Variants in YTHDC1 observed in about 807,000 individuals in gnomAD.
YTHDC1 encodes the protein YTH N6-methyladenosine RNA binding protein C1.
Under a neutral mutation model 107.0 loss-of-function variants are expected in YTHDC1, and 12 were observed. That is an observed-to-expected ratio of 0.11 (90% confidence interval 0.07 to 0.18). The LOEUF (loss-of-function observed/expected upper bound fraction) is 0.18, where lower values mean the gene tolerates loss of function less well. YTHDC1 is among the 10% of genes least tolerant of loss of function. The pLI, the probability that YTHDC1 is intolerant of heterozygous loss-of-function variation, is 1.00. For synonymous variants in YTHDC1, 280 were observed against 289.5 expected (o/e 0.97, Z 0.33); for missense variants, 635 against 898.8 (o/e 0.71, Z 3.75).
intron 4 of YTHDC1, among the ~76,000 whole-genome samples, chr4:68,334,930 G>A (rs1326757255): frequency 1.3e-5 from 2 of 152,120 alleles, no homozygotes; most frequent in African/African-American, 2.4e-5. Context: ...AACAGAAGCA[G>A]AAGATCCTAC....
intron 15 of YTHDC1, 109 bp downstream of exon 15, chr4:68,318,410 T>A: frequency 8.6e-7 from 1 of 1,161,814 alleles, no homozygotes; most frequent in East Asian, 2.6e-5. Flanking sequence ...GCCTGGCCAG[T>A]TTAAGTCTCT....
intron 1 of YTHDC1, among the ~76,000 whole-genome samples, chr4:68,349,373 T>C (rs1047459087): frequency 2.6e-5 from 4 of 152,188 alleles, no homozygotes; most frequent in African/African-American, 9.7e-5. Flanking sequence ...GAAATGGTTG[T>C]CCTGAAAATA....
chr4:68,317,697 G>C (rs1722012334), intron 15 of YTHDC1, among the ~76,000 whole-genome samples: 1 of 152,176 alleles, frequency 6.6e-6, no homozygotes, highest in Non-Finnish European at 1.5e-5. Flanking sequence ...AACTTAACAT[G>C]TACTTTGTAA....
intron 9 of YTHDC1, among the ~76,000 whole-genome samples, chr4:68,328,462 G>T (rs1214431341): frequency 6.6e-6 from 1 of 152,210 alleles, no homozygotes; most frequent in Non-Finnish European, 1.5e-5. Context: ...CAGAGAGGAA[G>T]TGGGAGAAAG....
chr4:68,314,841 T>C (rs1033142495), intron 16 of YTHDC1, among the ~76,000 whole-genome samples: 2 of 152,230 alleles, frequency 1.3e-5, no homozygotes, highest in Admixed American at 1.3e-4. Flanking sequence ...GCAAGAAAAG[T>C]TGTGGCTGCT....
chr4:68,344,988 A>G (rs1036396189), intron 1 of YTHDC1, among the ~76,000 whole-genome samples: 1 of 152,184 alleles, frequency 6.6e-6, no homozygotes, highest in Non-Finnish European at 1.5e-5. Context: ...CCCTGATCGC[A>G]CTACTGCACT....
rs1333509528 is a variant in YTHDC1, at chr4:68,318,794, T to C, written c.1721+32A>G. ...TCATAAACTAGTTCCAAGAATGTAA[T>C]TCAAAACTAGGCAAGAGTGAACCCG... is the stretch of plus-strand genomic sequence containing the variant. On this transcript the variant is annotated intron_variant, in intron 13 of 16. Coordinates refer to ENST00000344157, the MANE Select transcript of YTHDC1 (RefSeq NM_001031732.4). The C allele has an allele frequency of 1.9e-6, 3 of 1,614,154 alleles. No homozygotes were observed. The Admixed American group carries it at 5.0e-5, about 27-fold the overall frequency.
At chr4:68,321,074 A>G (rs527817359) in intron 11 of YTHDC1, among the ~76,000 whole-genome samples, 1 of 152,280 alleles carries the variant, frequency 6.6e-6, no homozygotes, top group African/African-American at 2.4e-5. Flanking sequence ...CATTAAATAC[A>G]CTTCAATTTA....
In YTHDC1 at chr4:68,322,925, G is replaced by A. The variant is rs778838331; in HGVS notation, c.1435-10C>T. 6.2e-7 allele frequency: 1 copy of A among 1,610,100 alleles called. No homozygotes were observed. The highest frequency in any genetic ancestry group is 1.7e-5 in the Admixed American group (1 of 59,834). ...ATTCAAGTTCAATTTCCTAGAATAG[G>A]AAAGTAGCAATTTATAAAACAAAAA... On this transcript the variant is annotated splice_polypyrimidine_tract_variant and intron_variant, in intron 10 of 16. Transcript: ENST00000344157. The surrounding 1 kb of genome is among the most constrained non-coding windows in gnomAD (Gnocchi z 4.8).
Position 68,324,316 on chromosome 4 carries a change from C to T in YTHDC1, c.1350-93G>A, listed in dbSNP as rs1722747715. On this transcript the variant is annotated intron_variant, in intron 9 of 16. Transcript: ENST00000344157. ...TAGTGAATTCCTGTATTAACTGTGA[C>T]TTAAATGTGACTAAATTTTAAAAAC... is the stretch of plus-strand genomic sequence containing the variant. 1.4e-5 allele frequency: 16 copies of T among 1,112,360 alleles called. No homozygotes were observed. In the East Asian group the frequency reaches 3.7e-4, roughly 26 times the overall value. The allele number at this position is 1,112,360 out of a possible 1,614,324, so 68.9% of individuals were successfully genotyped here.
intron 1 of YTHDC1, among the ~76,000 whole-genome samples, chr4:68,343,104 C>CA (rs747828958): frequency 1.3e-5 from 2 of 152,146 alleles, no homozygotes; most frequent in East Asian, 3.8e-4. Flanking sequence ...TCATGCACTA[C>CA]AAAAATCCTA....
At position 68,341,785 on chromosome 4, in the gene YTHDC1, G is replaced by T. The variant is rs114433407; in HGVS notation, c.29-3401C>A. Among the ~76,000 whole-genome samples the T allele has an allele frequency of 3.1e-3, 473 of 152,236 alleles. 2 individuals are homozygous for T. The highest frequency in any genetic ancestry group is 0.011 in the African/African-American group (449 of 41,538). ...GAAAAGTCTTGGAGGTTAAGGAAAT[G>T]CAGGTTATAGCTTGCATTTAGGTAT... is the stretch of plus-strand genomic sequence containing the variant. On this transcript the variant is annotated intron_variant, in intron 1 of 16. Coordinates refer to ENST00000344157, the MANE Select transcript of YTHDC1 (RefSeq NM_001031732.4).
chr4:68,327,466 C>A (rs1723124413), intron 9 of YTHDC1, among the ~76,000 whole-genome samples: 1 of 152,154 alleles, frequency 6.6e-6, no homozygotes, highest in African/African-American at 2.4e-5. Flanking sequence ...TGGTCCCAAT[C>A]TTCCATGTGC....
rs771726851 is a variant in YTHDC1, at chr4:68,332,812, C to T, written c.1009G>A (p.Val337Ile). Residue 337 changes from valine (V) to isoleucine (I), a missense_variant, in exon 6 of 17, where the codon GTT (valine) becomes ATT (isoleucine). Physicochemically the swap from Val to Ile is conservative, Grantham distance 29. Transcript: ENST00000344157. ...EKKHEKLSSSVRAVRKDQTSK... is the reference protein window; with the variant it reads ...EKKHEKLSSSIRAVRKDQTSK... The stretch of plus-strand genomic sequence containing the variant: ...ATGATACCTTTTCGGACAGCACGAA[C>T]GGAAGATGATAATTTCTCATGCTTC... The T allele has an allele frequency of 1.2e-6, 2 of 1,613,164 alleles. No homozygotes were observed. The highest frequency in any genetic ancestry group is 8.5e-7 in the Non-Finnish European group (1 of 1,179,556).
chr4:68,333,161 T>TA (rs1723778980), intron 5 of YTHDC1, 147 bp downstream of exon 5: 3 of 634,846 alleles, frequency 4.7e-6, no homozygotes, highest in South Asian at 2.3e-5. Flanking sequence ...AGAAAAAGCT[T>TA]AGTTTTCTCT....
intron 16 of YTHDC1, chr4:68,316,059 C>A: frequency 9.6e-6 from 3 of 313,410 alleles, no homozygotes; most frequent in South Asian, 2.1e-4. Context: ...CTAGGTACTA[C>A]CTAAAAGGAG....
chr4:68,338,418 T>A (rs768897018), intron 1 of YTHDC1, 34 bp from the exon 2 acceptor site: 1 of 1,504,522 alleles, frequency 6.6e-7, no homozygotes, highest in South Asian at 1.2e-5. Flanking sequence ...TAGGGAAAAA[T>A]CACTATCATT....
At chr4:68,332,882 G>C (rs1470928516) in intron 5 of YTHDC1, 35 bp from the exon 6 acceptor site, 1 of 1,581,574 alleles carries the variant, frequency 6.3e-7, no homozygotes, top group African/African-American at 1.4e-5. Flanking sequence ...TTCAGATTGA[G>C]CTTTAATAGA....
chr4:68,338,203 G>C, intron 2 of YTHDC1, 80 bp downstream of exon 2: 1 of 1,388,616 alleles, frequency 7.2e-7, no homozygotes, highest in Non-Finnish European at 9.8e-7. Flanking sequence ...GCACAAAAAA[G>C]CACAGTCATT....
Sources: gnomAD v4.1 joint callset for allele counts (sites outside exome capture counted in the v4.1 genomes callset) on GRCh38, gnomAD v4.1.1 for gene constraint, Gnocchi (gnomAD v3.1) non-coding constraint, MANE v1.5 for transcripts, NCBI Gene and HGNC (gene_info 2026-07-23, HGNC 2026-07-21) for gene names.